PMM2: variants seen among roughly 807,000 people sequenced by gnomAD.
PMM2 encodes mannose-6-phosphate isomerase.
Under a neutral mutation model 33.2 loss-of-function variants are expected in PMM2, and 35 were observed. That is an observed-to-expected ratio of 1.06 (90% CI 0.81 to 1.40). The LOEUF is 1.40. PMM2 is among the 40% of genes most tolerant of loss of function. The pLI is 0.00. For synonymous variants in PMM2, 153 were observed against 114.7 expected, an observed-to-expected ratio of 1.33 and a Z score of -2.13; for missense variants, 386 against 306.0, an observed-to-expected ratio of 1.26 and a Z score of -1.95.
intron 7 of PMM2, among the ~76,000 whole-genome samples, chr16:8,845,635 GTGGTCTGTTCT>G (rs1376764950): frequency 1.3e-5 from 2 of 151,682 alleles, no homozygotes; most frequent in Non-Finnish European, 1.5e-5. Context: ...CTGAAGTACA[GTGGTCTGTTCT>G]TGGCTCACTG....
intron 7 of PMM2, among the ~76,000 whole-genome samples, chr16:8,836,528 G>C (rs2060849178): frequency 6.6e-6 from 1 of 152,040 alleles, no homozygotes; most frequent in Non-Finnish European, 1.5e-5. Context: ...CTGCGGTTCA[G>C]GCGTTTGGAA....
In PMM2 at chr16:8,813,100, T is replaced by C. The variant is rs749542076; in HGVS notation, c.633T>C (p.Thr211=). The change falls in exon 7 of 8, where the codon ACT becomes ACC. Residue 211 remains threonine (T), a synonymous_variant. Transcript: ENST00000268261. ...CCATTTATTTCTTTGGAGACAAAAC[T>C]ATGCCAGTAAGTAGAGAAGTGTTTG... ...YKTIYFFGDK[T]MPGGNDHEIF... The C allele has an allele frequency of 6.3e-7, 1 of 1,576,728 alleles. No homozygotes were observed. The highest frequency in any genetic ancestry group is 2.2e-5 in the East Asian group (1 of 44,718).
intron 7 of PMM2, among the ~76,000 whole-genome samples, chr16:8,822,529 A>G (rs1028393604): frequency 6.6e-6 from 1 of 152,242 alleles, no homozygotes; most frequent in Non-Finnish European, 1.5e-5. Flanking sequence ...GCATCCAGGA[A>G]TGAACAAGGA....
chr16:8,819,206 C>A (rs1043581026), intron 7 of PMM2, among the ~76,000 whole-genome samples: 2 of 152,212 alleles, frequency 1.3e-5, no homozygotes, highest in African/African-American at 4.8e-5. Flanking sequence ...AGGAGGCTGG[C>A]CACATGACAG....
intron 7 of PMM2, among the ~76,000 whole-genome samples, chr16:8,825,038 T>C (rs1477934214): frequency 6.6e-6 from 1 of 152,204 alleles, no homozygotes; most frequent in Non-Finnish European, 1.5e-5. Context: ...GTTTTGTTTT[T>C]GTTGTTGTTT....
Position 8,801,849 on chromosome 16 carries a change from C to A in PMM2, c.117C>A (p.Ile39=). ...TCCTACAAAAATTGAGGCAGAAGAT[C>A]AAAATCGGAGTGGTAGGCGGATCGG... ...DDFLQKLRQK[I]KIGVVGGSDF... The change falls in exon 2 of 8, where the codon ATC becomes ATA. Residue 39 remains isoleucine (I), a synonymous_variant. Transcript: ENST00000268261. 1 of 1,612,312 alleles carries A rather than the reference C, an allele frequency of 6.2e-7. No individual in the cohort carries two copies. The highest frequency in any genetic ancestry group is 1.1e-5 in the South Asian group (1 of 90,956).
intron 7 of PMM2, among the ~76,000 whole-genome samples, chr16:8,845,633 C>G (rs1339606413): frequency 6.6e-6 from 1 of 151,560 alleles, no homozygotes; most frequent in Non-Finnish European, 1.5e-5. Flanking sequence ...GGCTGAAGTA[C>G]AGTGGTCTGT....
In PMM2 at chr16:8,834,252, A is replaced by G. The variant is rs553973539; in HGVS notation, c.640-13472A>G. ...TGTGTTTTTAAAAGACCTTTAGTCC[A>G]TTCTACCTTTCCTGAAGATTGAGGA... On this transcript the variant is annotated intron_variant, in intron 7 of 7. Coordinates refer to ENST00000268261, the MANE Select transcript of PMM2 (RefSeq NM_000303.3). 3.3e-3 allele frequency among the ~76,000 whole-genome samples: 501 copies of G among 151,960 alleles called. 4 individuals carry two copies. The highest frequency in any genetic ancestry group is 0.011 in the African/African-American group (470 of 41,426).
At chr16:8,818,522 T>C (rs890271034) in intron 7 of PMM2, among the ~76,000 whole-genome samples, 1 of 152,180 alleles carries the variant, frequency 6.6e-6, no homozygotes, top group African/African-American at 2.4e-5. Context: ...TTTTTTCCTT[T>C]CCTAATGAAG....
chr16:8,831,687 C>A (rs1384025167), intron 7 of PMM2, among the ~76,000 whole-genome samples: 4 of 152,204 alleles, frequency 2.6e-5, no homozygotes, highest in Non-Finnish European at 5.9e-5. Context: ...TTGGGGTTCA[C>A]TGCTACACTG....
intron 7 of PMM2, among the ~76,000 whole-genome samples, chr16:8,845,055 C>G (rs1438449358): frequency 6.6e-6 from 1 of 152,182 alleles, no homozygotes; most frequent in Non-Finnish European, 1.5e-5. Flanking sequence ...GAAGAGACCA[C>G]CAAACAGGCT....
chr16:8,840,749 G>A (rs900882956), intron 7 of PMM2, among the ~76,000 whole-genome samples: 6 of 151,940 alleles, frequency 3.9e-5, no homozygotes, highest in Admixed American at 6.6e-5. Context: ...TCCTGCAGGC[G>A]GACAGCAGTC....
At chr16:8,826,476 T>C (rs996936993) in intron 7 of PMM2, among the ~76,000 whole-genome samples, 3 of 152,168 alleles carry the variant, frequency 2.0e-5, no homozygotes, top group Non-Finnish European at 4.4e-5. Flanking sequence ...AGTAGGTAAA[T>C]TGAACAATTA....
chr16:8,816,694 T>C (rs2060710481), intron 7 of PMM2, among the ~76,000 whole-genome samples: 1 of 152,040 alleles, frequency 6.6e-6, no homozygotes, highest in African/African-American at 2.4e-5. Context: ...TGAGCTGAGA[T>C]TGTGCCATTG....
Position 8,832,769 on chromosome 16 carries a change from C to A in PMM2, c.640-14955C>A, listed in dbSNP as rs372128897. The stretch of plus-strand genomic sequence containing the variant: ...CTACCCGTGAAATCCCAGGTGCTTA[C>A]CACAATCTGTGAGGCCCGCTGTGGC... On this transcript the variant is annotated intron_variant, in intron 7 of 7. Coordinates refer to ENST00000268261, the MANE Select transcript of PMM2 (RefSeq NM_000303.3). 1.4e-5 allele frequency: 14 copies of A among 984,272 alleles called. No homozygotes were observed. In the East Asian group the frequency reaches 3.4e-4, roughly 24 times the overall value. 61.0% of individuals were successfully genotyped at this position (984,272 alleles called of 1,614,324 possible).
chr16:8,803,914 C>T (rs911978542), intron 2 of PMM2, among the ~76,000 whole-genome samples: 2 of 151,518 alleles, frequency 1.3e-5, no homozygotes, highest in Admixed American at 6.6e-5. Context: ...GAACTTGCGA[C>T]CTCAGGTGAT....
chr16:8,800,665 CT>C (rs35148703), intron 1 of PMM2, among the ~76,000 whole-genome samples: 99,545 of 127,242 alleles, frequency 0.78, 38,167 homozygotes, highest in East Asian at 0.9. Context: ...TAAGCTTCTC[CT>C]TTTTTTTTTT....
rs2060618323 is a variant in PMM2, at chr16:8,801,844, A to G, written c.112A>G (p.Lys38Glu). Residue 38 changes from lysine (K) to glutamate (E), a missense_variant, in exon 2 of 8, where the codon AAG (lysine) becomes GAG (glutamate). Coordinates refer to ENST00000268261, the MANE Select transcript of PMM2 (RefSeq NM_000303.3). ...MDDFLQKLRQ[K>E]IKIGVVGGSD... Reference sequence around the variant, plus strand: ...TGACTTCCTACAAAAATTGAGGCAGAAGATCAAAATCGGAGTGGTAGGCGG... The same window carrying G: ...TGACTTCCTACAAAAATTGAGGCAGGAGATCAAAATCGGAGTGGTAGGCGG... 6.2e-7 allele frequency: 1 copy of G among 1,612,520 alleles called. No individual in the cohort carries two copies. Among genetic ancestry groups the G allele is most frequent in the South Asian group, 1.1e-5 (1 of 90,980 alleles).
At chr16:8,839,590 A>G (rs1014000929) in intron 7 of PMM2, among the ~76,000 whole-genome samples, 1 of 152,078 alleles carries the variant, frequency 6.6e-6, no homozygotes, top group African/African-American at 2.4e-5. Flanking sequence ...GAAAGTAGCC[A>G]AGGATGGAGT....
Sources: allele counts gnomAD v4.1 joint callset (sites outside exome capture counted in the v4.1 genomes callset), GRCh38; gene constraint gnomAD v4.1.1; transcripts MANE v1.5; gene names NCBI Gene and HGNC (gene_info 2026-07-23, HGNC 2026-07-21).